LPCAT2: variants seen among roughly 807,000 people sequenced by gnomAD.
LPCAT2 encodes lysophosphatidylcholine acyltransferase 2.
A neutral mutation model predicts 64.7 loss-of-function variants in LPCAT2; 58 were observed. The observed-to-expected ratio is 0.90, with a 90% CI of 0.73 to 1.12. LPCAT2 has a LOEUF of 1.12. LPCAT2 is among the 50% of genes most tolerant of loss of function. LPCAT2 has a pLI of 0.00. For synonymous variants in LPCAT2, 252 were observed against 245.3 expected, an observed-to-expected ratio of 1.03 and a Z score of -0.26; for missense variants, 579 against 669.8, an observed-to-expected ratio of 0.86 and a Z score of 1.50.
chr16:55,567,914 C>T (rs1299331426), intron 11 of LPCAT2, among the ~76,000 whole-genome samples: 1 of 152,090 alleles, frequency 6.6e-6, no homozygotes, highest in African/African-American at 2.4e-5. Flanking sequence ...TCAGGAGATA[C>T]ATTTTCCATT....
chr16:55,562,923 T>C (rs764476520), intron 11 of LPCAT2, among the ~76,000 whole-genome samples: 3 of 151,874 alleles, frequency 2.0e-5, no homozygotes, highest in Admixed American at 6.6e-5. Flanking sequence ...CTCAAAGTAT[T>C]ATCCAGGCTA....
chr16:55,582,424 G>A (rs1963897487), intron 13 of LPCAT2, among the ~76,000 whole-genome samples: 1 of 152,088 alleles, frequency 6.6e-6, no homozygotes, highest in East Asian at 1.9e-4. Context: ...ATACAATTAT[G>A]TGTTACTTTA....
chr16:55,526,530 A>G (rs1963172821), intron 2 of LPCAT2, among the ~76,000 whole-genome samples: 1 of 152,200 alleles, frequency 6.6e-6, no homozygotes, highest in African/African-American at 2.4e-5. Context: ...AGAAATACAT[A>G]GTTTGCTGTT....
chr16:55,544,657 A>G (rs896342946), intron 8 of LPCAT2, among the ~76,000 whole-genome samples: 6 of 152,202 alleles, frequency 3.9e-5, no homozygotes, highest in Admixed American at 2.6e-4. Context: ...TAGTTCTTCT[A>G]TAGAGCACCC....
Position 55,509,228 on chromosome 16 carries a change from G to A in LPCAT2, c.47G>A (p.Gly16Asp), listed in dbSNP as rs1416763034. 9.6e-6 allele frequency: 14 copies of A among 1,464,350 alleles called. No homozygotes were observed. In the East Asian group the frequency reaches 3.0e-4, roughly 32 times the overall value. The allele number at this position is 1,464,350 out of a possible 1,614,324, so 90.7% of individuals were successfully genotyped here. The part of the protein sequence containing the change: ...QAAEVAATVP[G>D]AGVGNVGLRP... The stretch of plus-strand genomic sequence containing the variant: ...GCGGAAGTGGCGGCCACAGTGCCAG[G>A]TGCCGGCGTCGGGAACGTGGGGCTG... The change falls in exon 1 of 14, where the codon GGT becomes GAT. Residue 16 changes from glycine (G) to aspartate (D), a missense_variant. Transcript: ENST00000262134.
chr16:55,571,280 A>G (rs1963767045), intron 11 of LPCAT2, among the ~76,000 whole-genome samples: 1 of 152,144 alleles, frequency 6.6e-6, no homozygotes, highest in African/African-American at 2.4e-5. Flanking sequence ...TAAGTGGACA[A>G]TATTTGAACA....
intron 8 of LPCAT2, among the ~76,000 whole-genome samples, chr16:55,544,237 G>GA (rs5817016): frequency 0.82 from 124,603 of 152,004 alleles, 53,278 homozygotes; most frequent in Non-Finnish European, 0.94. Flanking sequence ...GGTCCATTTG[G>GA]AAAAAAATGG....
chr16:55,530,752 C>A (rs1298502296), intron 4 of LPCAT2, among the ~76,000 whole-genome samples: 1 of 151,978 alleles, frequency 6.6e-6, no homozygotes, highest in Non-Finnish European at 1.5e-5. Context: ...TTTGATTTTT[C>A]TCTGTGGATC....
chr16:55,558,209 C>T (rs1254875065), intron 11 of LPCAT2, among the ~76,000 whole-genome samples: 12 of 152,292 alleles, frequency 7.9e-5, no homozygotes, highest in African/African-American at 2.4e-4. Flanking sequence ...TAAGAGTAGA[C>T]GTTATGCCAG....
chr16:55,533,443 C>T (rs1445971093), intron 6 of LPCAT2, among the ~76,000 whole-genome samples: 1 of 110,470 alleles, frequency 9.1e-6, no homozygotes, highest in Non-Finnish European at 1.7e-5. Flanking sequence ...CAGAGTCTTG[C>T]TCTGTCATCA....
Position 55,509,561 on chromosome 16 carries a change from GC to G in LPCAT2, c.171+211del, listed in dbSNP as rs1326711732. On this transcript the variant is annotated intron_variant, in intron 1 of 13. Coordinates refer to ENST00000262134, the MANE Select transcript of LPCAT2 (RefSeq NM_017839.5). ...TGAGGAGGGAGGTGGCCCGAGGGGAGCCAGGGTCTGGGGCGGGTCCAGGTGA... is the reference window on the plus strand; with the variant it reads ...TGAGGAGGGAGGTGGCCCGAGGGGAGCAGGGTCTGGGGCGGGTCCAGGTGA... Among the ~76,000 whole-genome samples the G allele has an allele frequency of 3.3e-5, 5 of 150,878 alleles. No individual in the cohort carries two copies. In the South Asian group the frequency reaches 1.1e-3, roughly 32 times the overall value.
intron 8 of LPCAT2, chr16:55,542,025 C>A: frequency 9.3e-7 from 1 of 1,072,290 alleles, no homozygotes; most frequent in African/African-American, 1.7e-5. Context: ...ATTATAGTGT[C>A]ATAATTCTTC....
intron 11 of LPCAT2, among the ~76,000 whole-genome samples, chr16:55,572,564 G>A (rs1233645190): frequency 6.6e-6 from 1 of 152,188 alleles, no homozygotes; most frequent in Non-Finnish European, 1.5e-5. Flanking sequence ...GGCAAAGAAG[G>A]AAATGATTTC....
At chr16:55,529,755 T>C in intron 3 of LPCAT2, 80 bp from the exon 4 acceptor site, 1 of 533,376 alleles carries the variant, frequency 1.9e-6, no homozygotes, top group African/African-American at 2.0e-5. Flanking sequence ...TTCCATACAA[T>C]ATGTTATATA....
rs146769811 is a variant in LPCAT2, at chr16:55,586,023, G to T, written c.*2925G>T. 1 of 152,230 alleles carries T rather than the reference G, an allele frequency of 6.6e-6. No individual in the cohort carries two copies. The highest frequency in any genetic ancestry group is 1.9e-4 in the East Asian group (1 of 5,178). The allele number at this position is 152,230 out of a possible 1,614,324, so 9.4% of individuals were successfully genotyped here. ...ATGCTAACATGAATAGAAAGATACT[G>T]GTGCAAGACCATTCCCGGGAAAGTA... On this transcript the variant is annotated 3_prime_UTR_variant, in exon 14 of 14. Coordinates refer to ENST00000262134, the MANE Select transcript of LPCAT2 (RefSeq NM_017839.5).
chr16:55,544,274 C>G (rs1963428811), intron 8 of LPCAT2, among the ~76,000 whole-genome samples: 1 of 152,132 alleles, frequency 6.6e-6, no homozygotes, highest in Non-Finnish European at 1.5e-5. Context: ...TAGTTGCATT[C>G]TTTATTTATC....
chr16:55,517,942 G>A (rs1264904488), intron 1 of LPCAT2, among the ~76,000 whole-genome samples: 2 of 152,178 alleles, frequency 1.3e-5, no homozygotes, highest in African/African-American at 2.4e-5. Flanking sequence ...ACATTGTACT[G>A]GAGGTTCTAG....
intron 12 of LPCAT2, among the ~76,000 whole-genome samples, chr16:55,578,385 T>C (rs766511010): frequency 6.6e-6 from 1 of 152,198 alleles, no homozygotes; most frequent in Non-Finnish European, 1.5e-5. Context: ...TTTTCCCACT[T>C]TGGCTAATGT....
At chr16:55,538,851 A>G (rs1371882903) in intron 8 of LPCAT2, 2 of 152,108 alleles carry the variant, frequency 1.3e-5, no homozygotes. Flanking sequence ...GACTTACAGA[A>G]CCTTTTTCTC....
Sources: allele counts gnomAD v4.1 joint callset (sites outside exome capture counted in the v4.1 genomes callset), GRCh38; gene constraint gnomAD v4.1.1; transcripts MANE v1.5; gene names NCBI Gene and HGNC (gene_info 2026-07-23, HGNC 2026-07-21).